The following LRTM2 variants were observed in gnomAD, a reference collection of about 807,000 sequenced individuals.
LRTM2 encodes leucine-rich repeat and transmembrane domain-containing protein 2.
LRTM2 carries 18 observed loss-of-function variants against 28.1 expected under a neutral mutation model. That is an observed-to-expected ratio of 0.64 (90% CI 0.44 to 0.95). LRTM2 has a LOEUF of 0.95. LRTM2 is among the 40% of genes least tolerant of loss of function. The probability of loss-of-function intolerance (pLI) is 0.00; values close to 1 mark genes in which losing one functional copy is unlikely to be tolerated. For missense variants in LRTM2, 436 were observed against 497.2 expected (o/e 0.88, Z 1.17); for synonymous variants, 250 against 218.7 (o/e 1.14, Z -1.26).
chr12:1,829,241 G>A lies in LRTM2; in HGVS notation c.67+1026G>A, dbSNP rs1428596463. Among the ~76,000 whole-genome samples the A allele has an allele frequency of 1.3e-5, 2 of 152,216 alleles. No individual in the cohort carries two copies. The highest frequency in any genetic ancestry group is 2.9e-5 in the Non-Finnish European group (2 of 68,044). On this transcript the variant is annotated intron_variant, in intron 3 of 4. Coordinates refer to ENST00000299194, the MANE Select transcript of LRTM2 (RefSeq NM_001039029.3). This position sits in a 1 kb window ranked among gnomAD's most constrained non-coding sequence, Gnocchi z 4.2. ...TCAGGCCCTTCTCTGGGAGGGGCGA[G>A]CGGCTTCTGGTGATGCAGATCCTTT...
intron 1 of LRTM2, among the ~76,000 whole-genome samples, chr12:1,821,071 A>G (rs936596446): frequency 1.3e-5 from 2 of 152,070 alleles, no homozygotes; most frequent in Non-Finnish European, 2.9e-5. Context: ...AGTGGGGAGG[A>G]GGGCAGCGCT....
intron 2 of LRTM2, 153 bp from the exon 3 acceptor site, chr12:1,827,923 G>C (rs891091831): frequency 3.4e-5 from 14 of 411,764 alleles, no homozygotes; most frequent in African/African-American, 2.9e-4. Context: ...AAGGCTTCCT[G>C]GCTCCTCTTC....
rs572200650 is a variant in LRTM2 at position 1,828,851 on chromosome 12, C to T, written c.67+636C>T. Among the ~76,000 whole-genome samples, 1 of 152,196 alleles carries T rather than the reference C, an allele frequency of 6.6e-6. No individual in the cohort carries two copies. The highest frequency in any genetic ancestry group is 1.5e-5 in the Non-Finnish European group (1 of 68,048). On this transcript the variant is annotated intron_variant, in intron 3 of 4. Transcript: ENST00000299194. The surrounding 1 kb of genome is among the most constrained non-coding windows in gnomAD (Gnocchi z 4.2). ...AAGCGTGAATGAAGGCAACACTTGG[C>T]AGCTGTCAGGGTGAAAGGAGCCCTG...
chr12:1,831,831 C>T (rs551777417), intron 4 of LRTM2, among the ~76,000 whole-genome samples: 1 of 151,822 alleles, frequency 6.6e-6, no homozygotes, highest in South Asian at 2.1e-4. Flanking sequence ...CTGGATCTCC[C>T]TTTCTTAGGT....
At position 1,828,227 on chromosome 12, in the gene LRTM2, C is replaced by T. The variant is rs1347977619; in HGVS notation, c.67+12C>T. On this transcript the variant is annotated intron_variant, in intron 3 of 4. Coordinates refer to ENST00000299194, the MANE Select transcript of LRTM2 (RefSeq NM_001039029.3). The surrounding 1 kb of genome is among the most constrained non-coding windows in gnomAD (Gnocchi z 4.2). The stretch of plus-strand genomic sequence containing the variant: ...GAGGCAAGTCTCCTGTGAGTACACC[C>T]CTGGCCTCGGAGGGGGGTGCGGGTT... 1.3e-6 allele frequency: 2 copies of T among 1,537,596 alleles called. No individual in the cohort carries two copies. The highest frequency in any genetic ancestry group is 4.0e-5 in the Admixed American group (2 of 49,886).
chr12:1,825,520 G>A (rs1464047687), intron 1 of LRTM2, among the ~76,000 whole-genome samples: 1 of 152,214 alleles, frequency 6.6e-6, no homozygotes, highest in African/African-American at 2.4e-5. Context: ...GGGGGCATTT[G>A]GGAACTTAGA....
In LRTM2 at chr12:1,829,976, G is replaced by A. The variant is rs893439469; in HGVS notation, c.68-959G>A. Among the ~76,000 whole-genome samples, 2 of 152,210 alleles carry A rather than the reference G, an allele frequency of 1.3e-5. No individual in the cohort carries two copies. The highest frequency in any genetic ancestry group is 2.1e-4 in the South Asian group (1 of 4,830). The stretch of plus-strand genomic sequence containing the variant: ...GCTGCATAATGGAAGGCACTGCTCT[G>A]ATGTGATTGTTCCCTGAGGGTTACT... On this transcript the variant is annotated intron_variant, in intron 3 of 4. Transcript: ENST00000299194. This position sits in a 1 kb window ranked among gnomAD's most constrained non-coding sequence, Gnocchi z 4.2.
rs150281363 is a variant in LRTM2 at position 1,825,826 on chromosome 12, A to G, written c.-258-1584A>G. ...TGAGCAGCCTGCAGCCTGGCTCTGA[A>G]ACCTGCAATCCAGTCCCGGACTTAC... On this transcript the variant is annotated intron_variant, in intron 1 of 4. Transcript: ENST00000299194. Among the ~76,000 whole-genome samples the G allele has an allele frequency of 3.1e-3, 399 of 127,082 alleles. 4 individuals carry two copies. The highest frequency in any genetic ancestry group is 4.9e-3 in the South Asian group (19 of 3,910). The allele number at this position is 127,082 out of a possible 152,430, so 83.4% of individuals were successfully genotyped here.
chr12:1,825,790 C>A (rs1224081396), intron 1 of LRTM2, among the ~76,000 whole-genome samples: 3 of 152,144 alleles, frequency 2.0e-5, no homozygotes, highest in Admixed American at 2.0e-4. Context: ...GTGACAGTCG[C>A]CAGGGAGTGA....
chr12:1,830,148 G>A (rs778064273), intron 3 of LRTM2, among the ~76,000 whole-genome samples: 2 of 152,250 alleles, frequency 1.3e-5, no homozygotes, highest in Non-Finnish European at 2.9e-5. Context: ...CAGGCTGAGA[G>A]CCTAGATGGC....
rs776085714 is a variant in LRTM2 at position 1,835,304 on chromosome 12, G to A, written c.*583G>A. Reference sequence around the variant, plus strand: ...TCAGAAACACCATACACCCCTGGCCGACGCCATCATGCCCCTGGATCTGCT... The same window carrying A: ...TCAGAAACACCATACACCCCTGGCCAACGCCATCATGCCCCTGGATCTGCT... On this transcript the variant is annotated 3_prime_UTR_variant, in exon 5 of 5. Transcript: ENST00000299194. 1.3e-5 allele frequency: 2 copies of A among 153,402 alleles called. No individual in the cohort carries two copies. The highest frequency in any genetic ancestry group is 2.9e-5 in the Non-Finnish European group (2 of 68,974). The allele number at this position is 153,402 out of a possible 1,614,324, so 9.5% of individuals were successfully genotyped here.
At chr12:1,830,164 G>A (rs374041796) in intron 3 of LRTM2, among the ~76,000 whole-genome samples, 3 of 152,368 alleles carry the variant, frequency 2.0e-5, no homozygotes, top group African/African-American at 7.2e-5. Flanking sequence ...ATGGCTTTAG[G>A]GTGGGGGTTA....
rs202193340 is a variant in LRTM2 at position 1,834,506 on chromosome 12, C to T, written c.898C>T (p.Arg300Trp). 6.6e-5 allele frequency: 106 copies of T among 1,607,202 alleles called. No individual in the cohort carries two copies. Among genetic ancestry groups the T allele is most frequent in the East Asian group, 2.2e-5 (1 of 44,876 alleles). ...AGCCTGCCCACAGAAGCAGAGGCAC[C>T]GGCCGGCGAGCGTGAGGCGAGCCAT... Reference protein sequence around the residue: ...STACPQKQRHRPASVRRAMGT... With the variant: ...STACPQKQRHWPASVRRAMGT... The change falls in exon 5 of 5, where the codon CGG (arginine) becomes TGG (tryptophan). Residue 300 changes from arginine to tryptophan, a missense_variant. Transcript: ENST00000299194. The surrounding 1 kb of genome is among the most constrained non-coding windows in gnomAD (Gnocchi z 7.6).
intron 2 of LRTM2, chr12:1,827,860 C>G: frequency 2.7e-6 from 1 of 371,708 alleles, no homozygotes; most frequent in Non-Finnish European, 4.8e-6. Flanking sequence ...CTGTGCCCGA[C>G]CCTCGGGCTC....
chr12:1,830,849 G>A, intron 3 of LRTM2, 86 bp from the exon 4 acceptor site: 1 of 1,149,778 alleles, frequency 8.7e-7, no homozygotes, highest in East Asian at 2.6e-5. Flanking sequence ...CCAAGAGCCT[G>A]TTATGAGCTA....
intron 3 of LRTM2, among the ~76,000 whole-genome samples, 187 bp from the exon 4 acceptor site, chr12:1,830,748 T>A (rs188907810): frequency 2.0e-5 from 3 of 152,346 alleles, no homozygotes; most frequent in African/African-American, 7.2e-5. Flanking sequence ...TGTCCATTAA[T>A]ATGGAAGTGG....
chr12:1,834,578 A>T lies in LRTM2; in HGVS notation c.970A>T (p.Met324Leu). ...AGVVCGVVCI[M>L]MVVAAAYGCI... ...GGTCGTGTGCGGCGTCGTCTGCATC[A>T]TGATGGTGGTGGCCGCTGCCTATGG... Residue 324 changes from methionine to leucine, a missense_variant, in exon 5 of 5, where the codon ATG (methionine) becomes TTG (leucine). Physicochemically the swap from Met to Leu is conservative, Grantham distance 15. Coordinates refer to ENST00000299194, the MANE Select transcript of LRTM2 (RefSeq NM_001039029.3). This position sits in a 1 kb window ranked among gnomAD's most constrained non-coding sequence, Gnocchi z 7.6. The T allele has an allele frequency of 6.2e-7, 1 of 1,601,130 alleles. No homozygotes were observed. Among genetic ancestry groups the T allele is most frequent in the Non-Finnish European group, 8.5e-7 (1 of 1,179,902 alleles).
chr12:1,834,196 G>A lies in LRTM2; in HGVS notation c.659-71G>A, dbSNP rs894510130. On this transcript the variant is annotated intron_variant, in intron 4 of 4. Transcript: ENST00000299194. The surrounding 1 kb of genome is among the most constrained non-coding windows in gnomAD (Gnocchi z 7.6). ...CCTTCTGGGGCTTCCGTTTTGGGGAGCTGGGGATGGGGAGAGGGAGTGCAA... is the reference window on the plus strand; with the variant it reads ...CCTTCTGGGGCTTCCGTTTTGGGGAACTGGGGATGGGGAGAGGGAGTGCAA... 5 of 1,491,984 alleles carry A rather than the reference G, an allele frequency of 3.4e-6. 1 individual carries two copies. In the South Asian group the frequency reaches 4.1e-5, roughly 12 times the overall value. 92.4% of individuals were successfully genotyped at this position (1,491,984 alleles called of 1,614,324 possible).
chr12:1,825,789 G>A (rs550502592), intron 1 of LRTM2, among the ~76,000 whole-genome samples: 33 of 152,256 alleles, frequency 2.2e-4, no homozygotes, highest in African/African-American at 7.5e-4. Context: ...GGTGACAGTC[G>A]CCAGGGAGTG....
Sources: gnomAD v4.1 joint callset for allele counts (sites outside exome capture counted in the v4.1 genomes callset) on GRCh38, gnomAD v4.1.1 for gene constraint, Gnocchi (gnomAD v3.1) non-coding constraint, MANE v1.5 for transcripts, NCBI Gene and HGNC (gene_info 2026-07-23, HGNC 2026-07-21) for gene names.